The following NDST4 variants were observed in gnomAD, a reference collection of about 807,000 sequenced individuals.
The protein encoded by NDST4 is N-heparan sulfate sulfotransferase 4.
A neutral mutation model predicts 100.8 loss-of-function variants in NDST4; 63 were observed. The observed-to-expected ratio is 0.62, with a 90% confidence interval of 0.51 to 0.77. NDST4 has a LOEUF of 0.77. NDST4 is among the 30% of genes least tolerant of loss of function. The pLI, the probability that NDST4 is intolerant of heterozygous loss-of-function variation, is 0.00. For synonymous variants in NDST4, 377 were observed against 361.8 expected (o/e 1.04, Z -0.48); for missense variants, 943 against 1,018.4 (o/e 0.93, Z 1.01).
At chr4:114,939,897 G>A (rs1194592002) in intron 4 of NDST4, among the ~76,000 whole-genome samples, 1 of 152,108 alleles carries the variant, frequency 6.6e-6, no homozygotes, top group Non-Finnish European at 1.5e-5. Context: ...CACAAAGTGG[G>A]AAGTAATTCC....
chr4:114,870,992 T>C, intron 6 of NDST4, 42 bp from the exon 7 acceptor site: 2 of 1,530,444 alleles, frequency 1.3e-6, no homozygotes, highest in Non-Finnish European at 1.8e-6. Context: ...ATCATATGCT[T>C]AAGCTTAAAA....
intron 9 of NDST4, among the ~76,000 whole-genome samples, chr4:114,847,782 T>C (rs566061216): frequency 1.3e-5 from 2 of 152,330 alleles, no homozygotes; most frequent in Non-Finnish European, 2.9e-5. Context: ...GCCTACATTA[T>C]AACAAAACTT....
rs563664543 is a variant in NDST4, at chr4:114,922,465, T to C, written c.1536+12741A>G. ...TAACACAACCGCAGAAGCATGTCAATGTATAAGATCCCAAGTCAAAGGTCA... is the reference window on the plus strand; with the variant it reads ...TAACACAACCGCAGAAGCATGTCAACGTATAAGATCCCAAGTCAAAGGTCA... On this transcript the variant is annotated intron_variant, in intron 6 of 13. Coordinates refer to ENST00000264363, the MANE Select transcript of NDST4 (RefSeq NM_022569.3). 7.2e-5 allele frequency among the ~76,000 whole-genome samples: 11 copies of C among 152,268 alleles called. No homozygotes were observed. The South Asian group carries it at 1.5e-3, about 20-fold the overall frequency.
intron 6 of NDST4, among the ~76,000 whole-genome samples, chr4:114,886,819 T>C (rs1445848814): frequency 6.6e-6 from 1 of 152,176 alleles, no homozygotes; most frequent in Non-Finnish European, 1.5e-5. Context: ...CCTAATCTCC[T>C]AGTCTGCTTG....
chr4:114,842,598 C>T (rs72893320), intron 10 of NDST4: 15,490 of 119,498 alleles, frequency 0.13, 845 homozygotes, highest in Middle Eastern at 0.22. Context: ...GGGGAAAACA[C>T]GATGAAAACC....
chr4:114,975,272 A>C (rs188904215), intron 3 of NDST4, among the ~76,000 whole-genome samples: 17 of 152,136 alleles, frequency 1.1e-4, no homozygotes, highest in Non-Finnish European at 1.5e-5. Flanking sequence ...AAATATATCC[A>C]TTAAATAAAA....
intron 6 of NDST4, among the ~76,000 whole-genome samples, chr4:114,888,140 T>C: frequency 6.6e-6 from 1 of 151,958 alleles, no homozygotes; most frequent in Non-Finnish European, 1.5e-5. Context: ...GGGGCAGAGG[T>C]TGCAATGAGC....
chr4:114,852,848 C>T (rs770849886), intron 7 of NDST4, 27 bp from the exon 8 acceptor site: 1 of 1,494,526 alleles, frequency 6.7e-7, no homozygotes, highest in East Asian at 2.3e-5. Context: ...TAAGTAACCT[C>T]ACAGTGTAAT....
At chr4:114,854,857 T>A (rs1225701139) in intron 7 of NDST4, among the ~76,000 whole-genome samples, 1 of 152,214 alleles carries the variant, frequency 6.6e-6, no homozygotes, top group African/African-American at 2.4e-5. Flanking sequence ...AAACTCCATA[T>A]TGTTTTCCAT....
chr4:114,935,073 T>A lies in NDST4; in HGVS notation c.1536+133A>T, dbSNP rs894098547. On this transcript the variant is annotated intron_variant, in intron 6 of 13. Coordinates refer to ENST00000264363, the MANE Select transcript of NDST4 (RefSeq NM_022569.3). Reference sequence around the variant, plus strand: ...TTTTATCAAGAAAAGTATTTTAATATAGATTTAAATGCATGACCAGTAAGA... The same window carrying A: ...TTTTATCAAGAAAAGTATTTTAATAAAGATTTAAATGCATGACCAGTAAGA... The A allele has an allele frequency of 9.1e-6, 6 of 661,682 alleles. No homozygotes were observed. The African/African-American group carries it at 1.1e-4, about 13-fold the overall frequency. 41.0% of individuals were successfully genotyped at this position (661,682 alleles called of 1,614,324 possible).
intron 6 of NDST4, among the ~76,000 whole-genome samples, chr4:114,932,040 G>A (rs1272332447): frequency 1.3e-5 from 2 of 151,712 alleles, no homozygotes; most frequent in Non-Finnish European, 3.0e-5. Context: ...GGGCCCTATA[G>A]GAAAAGAAAA....
At chr4:114,989,507 G>C (rs1398152551) in intron 2 of NDST4, among the ~76,000 whole-genome samples, 1 of 152,184 alleles carries the variant, frequency 6.6e-6, no homozygotes, top group Admixed American at 6.5e-5. Flanking sequence ...TTGTATTTCA[G>C]TGACACAAAC....
intron 1 of NDST4, among the ~76,000 whole-genome samples, chr4:115,087,398 A>G (rs1476637303): frequency 6.6e-6 from 1 of 152,066 alleles, no homozygotes; most frequent in Non-Finnish European, 1.5e-5. Flanking sequence ...ACATCTGCAA[A>G]TTCAAGTATT....
intron 7 of NDST4, among the ~76,000 whole-genome samples, chr4:114,854,722 C>A (rs1723755194): frequency 6.6e-6 from 1 of 152,272 alleles, no homozygotes; most frequent in East Asian, 1.9e-4. Context: ...TCCACCTCAG[C>A]CTCCCAAAGT....
chr4:114,908,599 C>G (rs1422700164), intron 6 of NDST4, among the ~76,000 whole-genome samples: 1 of 151,990 alleles, frequency 6.6e-6, no homozygotes, highest in Non-Finnish European at 1.5e-5. Context: ...CTGCAGGGCA[C>G]TTGGGTGGTT....
At chr4:115,050,037 C>A (rs1362178468) in intron 2 of NDST4, among the ~76,000 whole-genome samples, 2 of 152,024 alleles carry the variant, frequency 1.3e-5, no homozygotes, top group African/African-American at 2.4e-5. Context: ...TGAGTCCTTG[C>A]CTTTTTAAAA....
intron 2 of NDST4, among the ~76,000 whole-genome samples, chr4:115,029,858 T>C (rs1471791685): frequency 6.6e-6 from 1 of 152,086 alleles, no homozygotes; most frequent in East Asian, 1.9e-4. Flanking sequence ...TAAAAGGATT[T>C]TGCAGAAAGG....
intron 4 of NDST4, among the ~76,000 whole-genome samples, chr4:114,942,853 G>A (rs1725778991): frequency 6.6e-6 from 1 of 151,324 alleles, no homozygotes; most frequent in Non-Finnish European, 1.5e-5. Context: ...TCCAAACAAG[G>A]TCATAATCTC....
chr4:114,860,434 G>A (rs535601761), intron 7 of NDST4, among the ~76,000 whole-genome samples: 1 of 152,228 alleles, frequency 6.6e-6, no homozygotes, highest in Non-Finnish European at 1.5e-5. Context: ...TTTCTTCAAT[G>A]TAGCTTTCTT....
Sources: allele counts gnomAD v4.1 joint callset (sites outside exome capture counted in the v4.1 genomes callset), GRCh38; gene constraint gnomAD v4.1.1; transcripts MANE v1.5; gene names NCBI Gene and HGNC (gene_info 2026-07-23, HGNC 2026-07-21).